PRKAR1B: variants seen among roughly 807,000 people sequenced by gnomAD.
The protein encoded by PRKAR1B is cAMP-dependent protein kinase type I-beta regulatory subunit.
In PRKAR1B, 22 loss-of-function variants were observed where a neutral mutation model predicts 46.5. The ratio of observed to expected loss-of-function variants is 0.47; its 90% CI spans 0.34 to 0.68. PRKAR1B has a LOEUF of 0.68. Ranked by LOEUF, PRKAR1B falls within the 30% of genes least tolerant of loss-of-function variation. The pLI is 0.01. For missense variants in PRKAR1B, 445 were observed against 535.6 expected (o/e 0.83, Z 1.67); for synonymous variants, 259 against 217.7 (o/e 1.19, Z -1.67).
At chr7:607,618 A>G (rs113132569) in intron 4 of PRKAR1B, among the ~76,000 whole-genome samples, 166 bp from the exon 5 acceptor site, 11,361 of 152,252 alleles carry the variant, frequency 0.075, 1,078 homozygotes, top group African/African-American at 0.22. Flanking sequence ...CATGACCCGA[A>G]GGCCAGAGAT....
intron 2 of PRKAR1B, 51 bp from the exon 3 acceptor site, chr7:680,777 G>A (rs774485425): frequency 4.4e-6 from 7 of 1,604,658 alleles, no homozygotes; most frequent in Non-Finnish European, 6.0e-6. Context: ...GGCTGTCCCG[G>A]CCAGGCACAG....
intron 4 of PRKAR1B, among the ~76,000 whole-genome samples, chr7:649,910 C>CTCACTATGCT (rs1784802536): frequency 6.6e-6 from 1 of 151,550 alleles, no homozygotes; most frequent in African/African-American, 2.4e-5. Flanking sequence ...CTATGCTGCC[C>CTCACTATGCT]AGGCTATGTT....
At chr7:634,181 C>T (rs1178008284) in intron 4 of PRKAR1B, among the ~76,000 whole-genome samples, 1 of 151,984 alleles carries the variant, frequency 6.6e-6, no homozygotes, top group Non-Finnish European at 1.5e-5. Flanking sequence ...TGCCACCATG[C>T]CCGGCTAATT....
intron 6 of PRKAR1B, among the ~76,000 whole-genome samples, chr7:599,478 G>A (rs1188773415): frequency 6.6e-6 from 1 of 151,754 alleles, no homozygotes; most frequent in Non-Finnish European, 1.5e-5. Flanking sequence ...AGTAGAGACG[G>A]GGTTTCTCCA....
In PRKAR1B at chr7:659,737, G is replaced by A. The variant is rs369904083; in HGVS notation, c.440+17492C>T. Among the ~76,000 whole-genome samples the A allele has an allele frequency of 1.6e-4, 24 of 151,582 alleles. No individual in the cohort carries two copies. The South Asian group carries it at 3.9e-3, about 25-fold the overall frequency. On this transcript the variant is annotated intron_variant, in intron 4 of 10. Transcript: ENST00000537384. ...TTGTTTTTGTTTTTGTTTTTGAGAC[G>A]GAGTCTCGCTCTGTCGCCCAGTGCA...
intron 9 of PRKAR1B, among the ~76,000 whole-genome samples, chr7:554,295 C>G (rs541058089): frequency 1.3e-5 from 2 of 152,384 alleles, no homozygotes; most frequent in Middle Eastern, 3.4e-3. Flanking sequence ...GCCAAGCCCC[C>G]GCACAGGAGA....
chr7:662,417 G>A (rs1217558499), intron 4 of PRKAR1B, among the ~76,000 whole-genome samples: 17 of 80,698 alleles, frequency 2.1e-4, no homozygotes, highest in Middle Eastern at 0.01. Flanking sequence ...CCATCCCAAC[G>A]GGTCCAAATA....
chr7:727,411 C>T (rs1292488964), upstream of PRKAR1B: 8 of 614,988 alleles, frequency 1.3e-5, no homozygotes, highest in Non-Finnish European at 1.8e-5. Context: ...GGCTCGGCCC[C>T]GCCCCCCTCC....
chr7:677,468 G>C (rs775093028), intron 3 of PRKAR1B, 148 bp from the exon 4 acceptor site: 3 of 702,172 alleles, frequency 4.3e-6, no homozygotes, highest in Non-Finnish European at 7.5e-6. Flanking sequence ...TTTCACCACT[G>C]TTTTTTTCTA....
At chr7:633,886 TG>T (rs1193067292) in intron 4 of PRKAR1B, among the ~76,000 whole-genome samples, 1 of 152,172 alleles carries the variant, frequency 6.6e-6, no homozygotes. Context: ...ACCACCTGCC[TG>T]GGCTCCTCAG....
chr7:684,021 C>T (rs1778857809), intron 2 of PRKAR1B, among the ~76,000 whole-genome samples: 1 of 151,802 alleles, frequency 6.6e-6, no homozygotes, highest in African/African-American at 2.4e-5. Flanking sequence ...CCACATGCAC[C>T]AATGCCCACC....
intron 9 of PRKAR1B, among the ~76,000 whole-genome samples, chr7:564,178 C>T (rs958372997): frequency 5.9e-5 from 9 of 152,262 alleles, no homozygotes; most frequent in South Asian, 2.1e-4. Flanking sequence ...TGGGCCCCTC[C>T]GGGTCCAGCC....
At chr7:576,944 G>A (rs1779869661) in intron 9 of PRKAR1B, among the ~76,000 whole-genome samples, 1 of 151,346 alleles carries the variant, frequency 6.6e-6, no homozygotes, top group Non-Finnish European at 1.5e-5. Flanking sequence ...TTCCAGCGGT[G>A]GTGAGCATCT....
chr7:675,321 A>G (rs1378969374), intron 4 of PRKAR1B, among the ~76,000 whole-genome samples: 1 of 152,184 alleles, frequency 6.6e-6, no homozygotes, highest in Non-Finnish European at 1.5e-5. Context: ...CAGGGTCCCC[A>G]CCTGCACTCA....
chr7:702,754 C>T (rs552720217), intron 2 of PRKAR1B, among the ~76,000 whole-genome samples: 1 of 152,182 alleles, frequency 6.6e-6, no homozygotes, highest in African/African-American at 2.4e-5. Context: ...ACCCAGGAGG[C>T]GGAGCTCGCA....
At chr7:619,541 G>A (rs1332616051) in intron 4 of PRKAR1B, among the ~76,000 whole-genome samples, 1 of 152,230 alleles carries the variant, frequency 6.6e-6, no homozygotes, top group Non-Finnish European at 1.5e-5. Context: ...GTGGTGCTGG[G>A]ATTCAAAACC....
intron 2 of PRKAR1B, among the ~76,000 whole-genome samples, chr7:704,595 G>A (rs1780219985): frequency 6.6e-6 from 1 of 151,988 alleles, no homozygotes; most frequent in Admixed American, 6.6e-5. Flanking sequence ...GTCCAACATG[G>A]TGAAATCCCG....
intron 4 of PRKAR1B, among the ~76,000 whole-genome samples, chr7:657,434 T>C (rs1785273336): frequency 6.7e-6 from 1 of 148,850 alleles, no homozygotes; most frequent in South Asian, 2.3e-4. Flanking sequence ...AATGAATGGG[T>C]GAATGATTCA....
At chr7:553,002 G>A (rs1457099336) in intron 9 of PRKAR1B, among the ~76,000 whole-genome samples, 3 of 152,260 alleles carry the variant, frequency 2.0e-5, no homozygotes, top group Non-Finnish European at 2.9e-5. Flanking sequence ...CACGTGCTAC[G>A]CACAGATGCA....
Sources: gnomAD v4.1 joint callset for allele counts (sites outside exome capture counted in the v4.1 genomes callset) on GRCh38, gnomAD v4.1.1 for gene constraint, MANE v1.5 for transcripts, NCBI Gene and HGNC (gene_info 2026-07-23, HGNC 2026-07-21) for gene names.